Variants in MATN4 observed in about 807,000 individuals in gnomAD.
MATN4 encodes matrilin-4.
In MATN4, 40 loss-of-function variants were observed where a neutral mutation model predicts 54.6. The ratio of observed to expected loss-of-function variants is 0.73; its 90% CI spans 0.57 to 0.95. The LOEUF (loss-of-function observed/expected upper bound fraction) is 0.95, where lower values mean the gene tolerates loss of function less well. Ranked by LOEUF, MATN4 falls within the 40% of genes least tolerant of loss-of-function variation. The pLI is 0.00. For synonymous variants in MATN4, 351 were observed against 345.3 expected (o/e 1.02, Z -0.18); for missense variants, 810 against 819.1 (o/e 0.99, Z 0.13).
At chr20:45,306,517 C>A (rs535072115) in intron 1 of MATN4, among the ~76,000 whole-genome samples, 1 of 152,276 alleles carries the variant, frequency 6.6e-6, no homozygotes, top group Non-Finnish European at 1.5e-5. Context: ...CCAACCCCCC[C>A]AGACCCCTCC....
At chr20:45,303,319 G>C in intron 3 of MATN4, 1 of 683,480 alleles carries the variant, frequency 1.5e-6, no homozygotes, top group Non-Finnish European at 2.8e-6. Context: ...TCATTGGTCT[G>C]ATGTTGGGGC....
In MATN4 at chr20:45,304,803, G is replaced by A; in HGVS notation, c.74-6C>T. On this transcript the variant is annotated splice_region_variant and splice_polypyrimidine_tract_variant and intron_variant, in intron 2 of 9. Coordinates refer to ENST00000372756, the MANE Select transcript of MATN4 (RefSeq NM_001393530.1). ...CCCAGTGTGACACCTGGGACCTGCG[G>A]GGAGATCAGGGAGGACTCTCCTAGG... 1 of 1,549,226 alleles carries A rather than the reference G, an allele frequency of 6.5e-7. No homozygotes were observed. The highest frequency in any genetic ancestry group is 1.2e-5 in the South Asian group (1 of 84,130).
At chr20:45,297,130 C>T (rs1380984178) in intron 8 of MATN4, among the ~76,000 whole-genome samples, 1 of 150,544 alleles carries the variant, frequency 6.6e-6, no homozygotes, top group Non-Finnish European at 1.5e-5. Context: ...CTGCGCCCAG[C>T]CCCCCTACAT....
intron 8 of MATN4, among the ~76,000 whole-genome samples, chr20:45,295,853 G>A (rs1452640244): frequency 6.6e-6 from 1 of 152,152 alleles, no homozygotes; most frequent in Admixed American, 6.5e-5. Flanking sequence ...AGTACATAAG[G>A]TAGTGATGAA....
chr20:45,298,470 C>A lies in MATN4; in HGVS notation c.1126G>T (p.Asp376Tyr). The change falls in exon 7 of 10, where the codon GAT becomes TAT. Residue 376 changes from aspartate to tyrosine, a missense_variant. Asp to Tyr is a radical substitution (Grantham distance 160). Coordinates refer to ENST00000372756, the MANE Select transcript of MATN4 (RefSeq NM_001393530.1). The surrounding 1 kb of genome is among the most constrained non-coding windows in gnomAD (Gnocchi z 4.6). ...ACCCGCGTGCCCTCGGGGGACACAT[C>A]TAGGAAGTCCACAATCTGGTTCACG... ...RFVNQIVDFL[D>Y]VSPEGTRVGL... The A allele has an allele frequency of 6.2e-7, 1 of 1,613,866 alleles. No homozygotes were observed. The highest frequency in any genetic ancestry group is 8.5e-7 in the Non-Finnish European group (1 of 1,179,958).
rs1986729643 is a variant in MATN4 at position 45,306,851 on chromosome 20, G to A, written c.-34-1235C>T. On this transcript the variant is annotated intron_variant, in intron 1 of 9. Transcript: ENST00000372756. ...AGAGCCGAGGAGCAGGGGTGTGCAG[G>A]GTTCCAGCGACAGCAGCACTGGACT... is the stretch of plus-strand genomic sequence containing the variant. 3.5e-6 allele frequency: 4 copies of A among 1,141,746 alleles called. No individual in the cohort carries two copies. The Admixed American group carries it at 1.7e-4, about 48-fold the overall frequency. 70.7% of individuals were successfully genotyped at this position (1,141,746 alleles called of 1,614,324 possible).
Position 45,308,208 on chromosome 20 carries a change from C to T in MATN4, c.-68G>A. The T allele has an allele frequency of 1.2e-6, 2 of 1,614,076 alleles. No homozygotes were observed. Among genetic ancestry groups the T allele is most frequent in the Non-Finnish European group, 1.7e-6 (2 of 1,179,922 alleles). On this transcript the variant is annotated 5_prime_UTR_variant, in exon 1 of 10. Transcript: ENST00000372756. ...GCAGGACAGATCAGAGATGCAGCTG[C>T]AGAGCGAAGCCGACAGGCGGAGCCT...
intron 3 of MATN4, chr20:45,303,429 G>A (rs1351686634): frequency 1.4e-6 from 1 of 717,072 alleles, no homozygotes; most frequent in Non-Finnish European, 2.6e-6. Context: ...TGTAGCCTGG[G>A]TTGCAGGTGC....
At chr20:45,306,838 C>T (rs553156769) in intron 1 of MATN4, 3 of 1,009,452 alleles carry the variant, frequency 3.0e-6, no homozygotes, top group Admixed American at 4.3e-5. Context: ...AGCCGAGGAG[C>T]AGGGGTGTGC....
rs763139172 is a variant in MATN4, at chr20:45,301,227, G to A, written c.767-3C>T. On this transcript the variant is annotated splice_region_variant and splice_polypyrimidine_tract_variant and intron_variant, in intron 4 of 9. Transcript: ENST00000372756. ...CCCAAAGCTGCAGTAGTCAATGGCT[G>A]GCAGGAGGGAAGAAACAGCAAGATG... The A allele has an allele frequency of 6.2e-7, 1 of 1,613,926 alleles. No individual in the cohort carries two copies. The highest frequency in any genetic ancestry group is 8.5e-7 in the Non-Finnish European group (1 of 1,179,904).
rs745490750 is a variant in MATN4, at chr20:45,298,070, C to T, written c.1427G>A (p.Gly476Asp). 17 of 1,612,204 alleles carry T rather than the reference C, an allele frequency of 1.1e-5. No homozygotes were observed. Among genetic ancestry groups the T allele is most frequent in the Non-Finnish European group, 1.4e-5 (17 of 1,179,060 alleles). ...CACGCCCACGGCGTACATGACGATG[C>T]CTGCAAGGCCGGGGTCTCAGAGGGT... ...SVWAARAKEE[G>D]IVMYAVGVGK... Residue 476 changes from glycine to aspartate, a missense_variant and splice_region_variant, in exon 8 of 10, where the codon GGC becomes GAC. Gly to Asp is a moderately conservative substitution (Grantham distance 94, BLOSUM62 -1). Coordinates refer to ENST00000372756, the MANE Select transcript of MATN4 (RefSeq NM_001393530.1). This position sits in a 1 kb window ranked among gnomAD's most constrained non-coding sequence, Gnocchi z 4.6.
rs1182051684 is a variant in MATN4 at position 45,298,777 on chromosome 20, C to T, written c.1013-194G>A. 1.3e-5 allele frequency among the ~76,000 whole-genome samples: 2 copies of T among 152,148 alleles called. No individual in the cohort carries two copies. Among genetic ancestry groups the T allele is most frequent in the Non-Finnish European group, 1.5e-5 (1 of 67,978 alleles). On this transcript the variant is annotated intron_variant, in intron 6 of 9. Coordinates refer to ENST00000372756, the MANE Select transcript of MATN4 (RefSeq NM_001393530.1). This position sits in a 1 kb window ranked among gnomAD's most constrained non-coding sequence, Gnocchi z 4.6. Reference sequence around the variant, plus strand: ...TCACCATCACCATCATCATCACCCTCATCATCGCCCTTGACATTTATTCAG... The same window carrying T: ...TCACCATCACCATCATCATCACCCTTATCATCGCCCTTGACATTTATTCAG...
rs1169743199 is a variant in MATN4, at chr20:45,305,587, C to T, written c.-5G>A. 2 of 1,556,684 alleles carry T rather than the reference C, an allele frequency of 1.3e-6. No individual in the cohort carries two copies. Among genetic ancestry groups the T allele is most frequent in the South Asian group, 1.2e-5 (1 of 84,322 alleles). On this transcript the variant is annotated 5_prime_UTR_variant, in exon 2 of 10. Transcript: ENST00000372756. ...CCAGCAAAGAAGGCCTCTCATGGCG[C>T]TTGGGGACAGAGAATGGAGGTGTCA...
intron 8 of MATN4, among the ~76,000 whole-genome samples, chr20:45,297,181 C>T (rs1015487943): frequency 6.6e-6 from 1 of 151,508 alleles, no homozygotes; most frequent in East Asian, 1.9e-4. Flanking sequence ...CAGACCCAAA[C>T]CAGCCCTACT....
intron 8 of MATN4, among the ~76,000 whole-genome samples, chr20:45,295,920 T>C (rs1985787140): frequency 1.3e-5 from 2 of 152,078 alleles, no homozygotes; most frequent in African/African-American, 4.8e-5. Context: ...GTGCCATTGT[T>C]AAGATTACAG....
At position 45,298,069 on chromosome 20, in the gene MATN4, G is replaced by T. The variant is rs1451464687; in HGVS notation, c.1428C>A (p.Gly476=). 6.2e-7 allele frequency: 1 copy of T among 1,612,382 alleles called. No individual in the cohort carries two copies. The highest frequency in any genetic ancestry group is 1.7e-5 in the Admixed American group (1 of 59,978). Reference sequence around the variant, plus strand: ...CCACGCCCACGGCGTACATGACGATGCCTGCAAGGCCGGGGTCTCAGAGGG... The same window carrying T: ...CCACGCCCACGGCGTACATGACGATTCCTGCAAGGCCGGGGTCTCAGAGGG... ...SVWAARAKEE[G]IVMYAVGVGK... Residue 476 remains glycine (G), a splice_region_variant and synonymous_variant, in exon 8 of 10, where the codon GGC becomes GGA. Transcript: ENST00000372756. The surrounding 1 kb of genome is among the most constrained non-coding windows in gnomAD (Gnocchi z 4.6).
chr20:45,299,906 G>T (rs1405934782), intron 6 of MATN4, among the ~76,000 whole-genome samples: 2 of 139,732 alleles, frequency 1.4e-5, no homozygotes, highest in East Asian at 4.2e-4. Context: ...AAAAGTCGAA[G>T]AGGGCTTGCT....
In MATN4 at chr20:45,298,049, C is replaced by T. The variant is rs781423350; in HGVS notation, c.1448G>A (p.Gly483Asp). 3 of 1,613,560 alleles carry T rather than the reference C, an allele frequency of 1.9e-6. No homozygotes were observed. In the Admixed American group the frequency reaches 5.0e-5, roughly 27 times the overall value. Residue 483 changes from glycine (G) to aspartate (D), a missense_variant, in exon 8 of 10, where the codon GGC (glycine) becomes GAC (aspartate). By Grantham distance (94) the Gly-to-Asp change is moderately conservative (BLOSUM62 -1). Coordinates refer to ENST00000372756, the MANE Select transcript of MATN4 (RefSeq NM_001393530.1). This position sits in a 1 kb window ranked among gnomAD's most constrained non-coding sequence, Gnocchi z 4.6. ...CTCCGCCTCCACCGCCTTGCCCACG[C>T]CCACGGCGTACATGACGATGCCTGC... ...KEEGIVMYAV[G>D]VGKAVEAELR...
At chr20:45,299,763 A>T (rs1986094114) in intron 6 of MATN4, among the ~76,000 whole-genome samples, 1 of 151,616 alleles carries the variant, frequency 6.6e-6, no homozygotes, top group Non-Finnish European at 1.5e-5. Context: ...CTGTAGTCTC[A>T]GCTACTCCAG....
Sources: allele counts gnomAD v4.1 joint callset (sites outside exome capture counted in the v4.1 genomes callset), GRCh38; gene constraint gnomAD v4.1.1; non-coding constraint Gnocchi (gnomAD v3.1); transcripts MANE v1.5; gene names NCBI Gene and HGNC (gene_info 2026-07-23, HGNC 2026-07-21).